Variants in TPD52 observed in about 807,000 individuals in gnomAD.
The protein encoded by TPD52 is prostate and colon associated protein.
TPD52 carries 17 observed loss-of-function variants against 31.3 expected under a neutral mutation model. That is an observed-to-expected ratio of 0.54 (90% CI 0.37 to 0.82). The LOEUF (loss-of-function observed/expected upper bound fraction) is 0.82, where lower values mean the gene tolerates loss of function less well. Ranked by LOEUF, TPD52 falls within the 40% of genes least tolerant of loss-of-function variation. The probability of loss-of-function intolerance (pLI) is 0.00; values close to 1 mark genes in which losing one functional copy is unlikely to be tolerated. For missense variants in TPD52, 212 were observed against 240.1 expected (o/e 0.88, Z 0.77); for synonymous variants, 83 against 89.6 (o/e 0.93, Z 0.42).
intron 1 of TPD52, among the ~76,000 whole-genome samples, chr8:80,108,639 T>C (rs994607759): frequency 2.6e-5 from 4 of 152,344 alleles, no homozygotes; most frequent in African/African-American, 9.6e-5. Flanking sequence ...ATTAAGATAA[T>C]GCCATGAAAG....
rs544742031 is a variant in TPD52, at chr8:80,081,906, T to C, written c.20-17313A>G. ...GCAACCTCCACCTTCTGGGTTCAAG[T>C]GATTCTCCTGCCTCAGCCTCCCAAG... is the stretch of plus-strand genomic sequence containing the variant. On this transcript the variant is annotated intron_variant, in intron 1 of 7. Transcript: ENST00000518937. Among the ~76,000 whole-genome samples the C allele has an allele frequency of 3.9e-3, 595 of 152,272 alleles. 2 individuals are homozygous for C. Among genetic ancestry groups the C allele is most frequent in the African/African-American group, 0.013 (550 of 41,552 alleles).
chr8:80,121,282 C>T (rs939723558), intron 1 of TPD52, among the ~76,000 whole-genome samples: 1 of 152,010 alleles, frequency 6.6e-6, no homozygotes, highest in African/African-American at 2.4e-5. Flanking sequence ...CACAGCAAAA[C>T]TGCTGCCCTT....
chr8:80,102,553 G>A (rs1021542479), intron 1 of TPD52, among the ~76,000 whole-genome samples: 13 of 152,182 alleles, frequency 8.5e-5, no homozygotes, highest in Non-Finnish European at 1.3e-4. Context: ...GCTACAGAGG[G>A]TAGCAGAAAA....
At chr8:80,150,895 C>A (rs1215316396) in intron 1 of TPD52, among the ~76,000 whole-genome samples, 1 of 152,132 alleles carries the variant, frequency 6.6e-6, no homozygotes, top group Non-Finnish European at 1.5e-5. Flanking sequence ...TGAGTTAAGA[C>A]TTTGGGGGAC....
At chr8:80,083,876 C>T (rs143740812) in intron 1 of TPD52, among the ~76,000 whole-genome samples, 1 of 152,154 alleles carries the variant, frequency 6.6e-6, no homozygotes, top group African/African-American at 2.4e-5. Context: ...TCAGCATGCA[C>T]AAGACTGAAT....
At chr8:80,132,032 CTT>C (rs72390353) in intron 1 of TPD52, among the ~76,000 whole-genome samples, 40 of 143,324 alleles carry the variant, frequency 2.8e-4, no homozygotes, top group African/African-American at 3.6e-4. Context: ...TTCTTTCTTT[CTT>C]TTTTTTTTTT....
rs1187591747 is a variant in TPD52 at position 80,139,988 on chromosome 8, C to G, written c.19+31437G>C. 3.9e-5 allele frequency among the ~76,000 whole-genome samples: 6 copies of G among 152,174 alleles called. No homozygotes were observed. The South Asian group carries it at 1.2e-3, about 32-fold the overall frequency. On this transcript the variant is annotated intron_variant, in intron 1 of 7. Transcript: ENST00000518937. ...TGTTAGCAGTAAGCAACTCTAATTT[C>G]ATATCTGACTGAAAAAAGAAAAGAA...
chr8:80,077,252 G>A (rs946566074), intron 1 of TPD52, among the ~76,000 whole-genome samples: 1 of 149,814 alleles, frequency 6.7e-6, no homozygotes, highest in Non-Finnish European at 1.5e-5. Flanking sequence ...TCCAGCCTGG[G>A]CGACAGAGCA....
intron 1 of TPD52, among the ~76,000 whole-genome samples, chr8:80,156,297 G>T (rs1397432397): frequency 6.6e-6 from 1 of 152,180 alleles, no homozygotes; most frequent in Non-Finnish European, 1.5e-5. Flanking sequence ...GTTCGCTCAG[G>T]GTTCTCAAGG....
intron 7 of TPD52, 43 bp from the exon 8 acceptor site, chr8:80,038,278 A>T: frequency 1.2e-6 from 2 of 1,605,084 alleles, no homozygotes; most frequent in African/African-American, 1.3e-5. Flanking sequence ...TATGAAACAT[A>T]AAACTAGCTG....
intron 1 of TPD52, among the ~76,000 whole-genome samples, chr8:80,093,839 A>G (rs1427562083): frequency 1.3e-5 from 2 of 152,210 alleles, no homozygotes; most frequent in African/African-American, 4.8e-5. Context: ...CCAATTCCAA[A>G]TTTCACATAC....
chr8:80,171,335 C>A, intron 1 of TPD52, 90 bp downstream of exon 1: 1 of 1,540,200 alleles, frequency 6.5e-7, no homozygotes. Flanking sequence ...CTCGAGCCGC[C>A]GGGCCGCGCT....
chr8:80,113,118 T>C (rs1191775375), intron 1 of TPD52, among the ~76,000 whole-genome samples: 1 of 152,216 alleles, frequency 6.6e-6, no homozygotes, highest in Non-Finnish European at 1.5e-5. Flanking sequence ...GCATTTCAGA[T>C]GTCAAATTTT....
At chr8:80,128,883 G>A (rs59099885) in intron 1 of TPD52, among the ~76,000 whole-genome samples, 25,179 of 145,176 alleles carry the variant, frequency 0.17, 3,419 homozygotes, top group African/African-American at 0.38. Flanking sequence ...TTACATCTGG[G>A]TTTTTTTTTT....
At chr8:80,080,308 T>C (rs767808473) in intron 1 of TPD52, 23 of 1,613,248 alleles carry the variant, frequency 1.4e-5, no homozygotes, top group Admixed American at 3.3e-5. Context: ...ACAAAATTAG[T>C]AGTTACCAAA....
chr8:80,050,506 G>A (rs751054048), intron 4 of TPD52, 35 bp from the exon 5 acceptor site: 2 of 1,584,234 alleles, frequency 1.3e-6, no homozygotes, highest in Non-Finnish European at 1.7e-6. Context: ...AAAAAAGAAA[G>A]AAGTTCTGAT....
intron 1 of TPD52, among the ~76,000 whole-genome samples, chr8:80,096,958 T>C (rs1816787311): frequency 6.6e-6 from 1 of 152,160 alleles, no homozygotes; most frequent in South Asian, 2.1e-4. Context: ...ATGTCAATAG[T>C]CTCTGTAGGC....
chr8:80,143,389 C>T (rs1764027998), intron 1 of TPD52, among the ~76,000 whole-genome samples: 1 of 152,176 alleles, frequency 6.6e-6, no homozygotes, highest in Non-Finnish European at 1.5e-5. Context: ...AAACATAACC[C>T]TCAACTTCAC....
intron 5 of TPD52, among the ~76,000 whole-genome samples, chr8:80,049,368 T>C (rs2130496174): frequency 6.6e-6 from 1 of 152,314 alleles, no homozygotes; most frequent in East Asian, 1.9e-4. Flanking sequence ...TTATAGCACT[T>C]TTTAACTGAA....
Sources: gnomAD v4.1 joint callset for allele counts (sites outside exome capture counted in the v4.1 genomes callset) on GRCh38, gnomAD v4.1.1 for gene constraint, MANE v1.5 for transcripts, NCBI Gene and HGNC (gene_info 2026-07-23, HGNC 2026-07-21) for gene names.